Variants in GFOD2 observed in about 807,000 individuals in gnomAD.
GFOD2 encodes the protein glucose-fructose oxidoreductase domain-containing protein 2.
A neutral mutation model predicts 24.6 loss-of-function variants in GFOD2; 9 were observed. The observed-to-expected ratio is 0.37, with a 90% CI of 0.22 to 0.64. The LOEUF (loss-of-function observed/expected upper bound fraction) is 0.64, where lower values mean the gene tolerates loss of function less well. Among genes scored for constraint, GFOD2 ranks in the 30% least tolerant of loss-of-function variants. GFOD2 has a pLI of 0.65. For synonymous variants in GFOD2, 211 were observed against 224.8 expected, an observed-to-expected ratio of 0.94 and a Z score of 0.55; for missense variants, 476 against 532.5, an observed-to-expected ratio of 0.89 and a Z score of 1.04.
intron 1 of GFOD2, among the ~76,000 whole-genome samples, chr16:67,705,781 A>G (rs2053434708): frequency 6.6e-6 from 1 of 151,842 alleles, no homozygotes; most frequent in Admixed American, 6.6e-5. Context: ...TCTACTAAAA[A>G]TACAAAAAAT....
chr16:67,699,073 T>C (rs1597799649), intron 1 of GFOD2, among the ~76,000 whole-genome samples: 1 of 152,156 alleles, frequency 6.6e-6, no homozygotes, highest in Non-Finnish European at 1.5e-5. Context: ...CTGGGCGTGG[T>C]GGCTCACACC....
intron 1 of GFOD2, among the ~76,000 whole-genome samples, chr16:67,702,532 C>T (rs548943509): frequency 6.6e-6 from 1 of 150,928 alleles, no homozygotes; most frequent in Non-Finnish European, 1.5e-5. Context: ...CCCTGCCCTA[C>T]GCTCTGTTAT....
chr16:67,679,223 TTC>T (rs1204856654), intron 2 of GFOD2, among the ~76,000 whole-genome samples: 9 of 151,976 alleles, frequency 5.9e-5, no homozygotes, highest in East Asian at 5.8e-4. Flanking sequence ...GGTAAATAAT[TTC>T]TTTTTTTTTT....
rs376163089 is a variant in GFOD2 at position 67,682,716 on chromosome 16, G to C, written c.259+2741C>G. The stretch of plus-strand genomic sequence containing the variant: ...AATAATGAGGGCAAGAAATGATCTC[G>C]TGGCCTTAGAAGTAAGGTAAAAATA... On this transcript the variant is annotated intron_variant, in intron 2 of 2. Coordinates refer to ENST00000268797, the MANE Select transcript of GFOD2 (RefSeq NM_030819.4). 12 of 985,258 alleles carry C rather than the reference G, an allele frequency of 1.2e-5. No individual in the cohort carries two copies. In the African/African-American group the frequency reaches 1.7e-4, roughly 14 times the overall value. The allele number at this position is 985,258 out of a possible 1,614,324, so 61.0% of individuals were successfully genotyped here.
rs2053178781 is a variant in GFOD2, at chr16:67,675,629, G to A, written c.684C>T (p.Leu228=). ...TSDDFCFFQM[L]MGGGVCSTVT... is the part of the protein sequence containing the mutation. ...CTGTGCTACACACACCCCCACCCATGAGCATCTGGAAGAAACAGAAGTCAT... is the reference window on the plus strand; with the variant it reads ...CTGTGCTACACACACCCCCACCCATAAGCATCTGGAAGAAACAGAAGTCAT... Residue 228 remains leucine (L), a synonymous_variant, in exon 3 of 3, where the codon CTC becomes CTT. Coordinates refer to ENST00000268797, the MANE Select transcript of GFOD2 (RefSeq NM_030819.4). The A allele has an allele frequency of 3.1e-6, 5 of 1,613,202 alleles. No homozygotes were observed. The highest frequency in any genetic ancestry group is 4.5e-5 in the East Asian group (2 of 44,894).
intron 1 of GFOD2, among the ~76,000 whole-genome samples, chr16:67,692,870 C>T (rs2053325624): frequency 6.6e-6 from 1 of 151,156 alleles, no homozygotes; most frequent in Non-Finnish European, 1.5e-5. Context: ...ACTAAAAATA[C>T]AAAAACAAAA....
intron 1 of GFOD2, among the ~76,000 whole-genome samples, chr16:67,717,915 A>G (rs978442905): frequency 1.3e-5 from 2 of 152,248 alleles, no homozygotes; most frequent in Admixed American, 6.5e-5. Flanking sequence ...TGAAATAAGG[A>G]TTCGACCAAC....
At chr16:67,716,741 C>A (rs1270009987) in intron 1 of GFOD2, among the ~76,000 whole-genome samples, 3 of 152,152 alleles carry the variant, frequency 2.0e-5, no homozygotes. Flanking sequence ...TGATTTTCCC[C>A]AGAGGTTACA....
At chr16:67,696,348 G>A (rs755292318) in intron 1 of GFOD2, among the ~76,000 whole-genome samples, 28 of 148,542 alleles carry the variant, frequency 1.9e-4, no homozygotes, top group African/African-American at 3.5e-4. Context: ...GATCTATTAC[G>A]TATCTATGAC....
At chr16:67,678,452 G>T (rs2053199657) in intron 2 of GFOD2, among the ~76,000 whole-genome samples, 1 of 151,066 alleles carries the variant, frequency 6.6e-6, no homozygotes, top group African/African-American at 2.4e-5. Flanking sequence ...CGCCAGCTTT[G>T]GCGACGAGAG....
chr16:67,704,963 T>C (rs1297779348), intron 1 of GFOD2, among the ~76,000 whole-genome samples: 1 of 152,206 alleles, frequency 6.6e-6, no homozygotes, highest in Non-Finnish European at 1.5e-5. Flanking sequence ...GACAGTAGTT[T>C]ATGGAGTATA....
intron 2 of GFOD2, chr16:67,685,221 G>A: frequency 7.1e-7 from 1 of 1,417,922 alleles, no homozygotes; most frequent in Middle Eastern, 2.6e-4. Context: ...CTTGATGGCT[G>A]TCTCTTAGAG....
At chr16:67,703,730 G>C (rs1417555921) in intron 1 of GFOD2, among the ~76,000 whole-genome samples, 1 of 152,218 alleles carries the variant, frequency 6.6e-6, no homozygotes, top group Non-Finnish European at 1.5e-5. Context: ...TCATATGGTA[G>C]ACAGGCAGAG....
intron 1 of GFOD2, 62 bp from the exon 2 acceptor site, chr16:67,685,864 T>TA: frequency 1.4e-6 from 1 of 701,152 alleles, no homozygotes; most frequent in East Asian, 3.4e-5. Flanking sequence ...GGCTACTTTC[T>TA]TTTTTTTTTG....
intron 2 of GFOD2, 69 bp downstream of exon 2, chr16:67,685,388 G>A: frequency 6.2e-7 from 1 of 1,604,576 alleles, no homozygotes; most frequent in East Asian, 2.2e-5. Context: ...CAGAGGAGAG[G>A]AGTGACCCTC....
At chr16:67,707,682 T>C (rs1271464294) in intron 1 of GFOD2, among the ~76,000 whole-genome samples, 1 of 152,160 alleles carries the variant, frequency 6.6e-6, no homozygotes, top group Non-Finnish European at 1.5e-5. Flanking sequence ...TAAAAAGGAA[T>C]TAACTATTAA....
At chr16:67,695,523 A>T (rs1426612319) in intron 1 of GFOD2, among the ~76,000 whole-genome samples, 2 of 148,510 alleles carry the variant, frequency 1.3e-5, no homozygotes, top group African/African-American at 5.0e-5. Flanking sequence ...AAGTAGTGAG[A>T]TTCTACTTAA....
chr16:67,681,630 T>C (rs1208375779), intron 2 of GFOD2: 11 of 704,306 alleles, frequency 1.6e-5, no homozygotes, highest in Non-Finnish European at 1.9e-5. Context: ...GGCTGGTATT[T>C]AACTCCTGAG....
chr16:67,714,048 T>C (rs1043128732), intron 1 of GFOD2, among the ~76,000 whole-genome samples: 1 of 152,076 alleles, frequency 6.6e-6, no homozygotes, highest in African/African-American at 2.4e-5. Context: ...TGAAATTGCA[T>C]GCCAGGAAAC....
Sources: gnomAD v4.1 joint callset for allele counts (sites outside exome capture counted in the v4.1 genomes callset) on GRCh38, gnomAD v4.1.1 for gene constraint, MANE v1.5 for transcripts, NCBI Gene and HGNC (gene_info 2026-07-23, HGNC 2026-07-21) for gene names.